The following RSU1 variants were observed in gnomAD, a reference collection of about 807,000 sequenced individuals.
RSU1 encodes the protein Ras suppressor protein 1.
Under a neutral mutation model 31.1 loss-of-function variants are expected in RSU1, and 26 were observed. That is an observed-to-expected ratio of 0.84 (90% CI 0.61 to 1.16). The LOEUF (loss-of-function observed/expected upper bound fraction) is 1.16. Among genes scored for constraint, RSU1 ranks in the 50% most tolerant of loss-of-function variants. RSU1 has a pLI of 0.00. For missense variants in RSU1, 320 were observed against 339.1 expected (o/e 0.94, Z 0.44); for synonymous variants, 164 against 136.3 (o/e 1.20, Z -1.41).
At chr10:16,608,503 C>T (rs1208001640) in intron 8 of RSU1, among the ~76,000 whole-genome samples, 1 of 152,130 alleles carries the variant, frequency 6.6e-6, no homozygotes, top group East Asian at 1.9e-4. Flanking sequence ...CATCTGGTAC[C>T]TTTTCCCACT....
intron 2 of RSU1, among the ~76,000 whole-genome samples, chr10:16,803,337 C>T (rs750264409): frequency 6.6e-6 from 1 of 152,052 alleles, no homozygotes; most frequent in Admixed American, 6.5e-5. Context: ...AGCTTCAAAG[C>T]TAGTATGGAA....
intron 8 of RSU1, among the ~76,000 whole-genome samples, chr10:16,618,286 A>C (rs1834012951): frequency 6.6e-6 from 1 of 152,242 alleles, no homozygotes. Flanking sequence ...ATACCATCTC[A>C]GACCAGTTAC....
intron 3 of RSU1, among the ~76,000 whole-genome samples, chr10:16,776,285 T>G (rs1837528996): frequency 6.6e-6 from 1 of 152,246 alleles, no homozygotes; most frequent in African/African-American, 2.4e-5. Context: ...TGAAATATGC[T>G]GCTTAATTTG....
intron 2 of RSU1, among the ~76,000 whole-genome samples, chr10:16,798,276 T>C (rs528214734): frequency 6.6e-6 from 1 of 152,182 alleles, no homozygotes; most frequent in African/African-American, 2.4e-5. Flanking sequence ...AAAGAGCTCA[T>C]AGACTAAAAA....
chr10:16,780,907 C>T (rs7100686), intron 3 of RSU1, among the ~76,000 whole-genome samples: 1 of 152,070 alleles, frequency 6.6e-6, no homozygotes, highest in African/African-American at 2.4e-5. Context: ...CGTCACTCTG[C>T]CTTTGCCTTA....
At chr10:16,756,663 A>C (rs975733598) in intron 4 of RSU1, among the ~76,000 whole-genome samples, 2 of 152,216 alleles carry the variant, frequency 1.3e-5, no homozygotes, top group African/African-American at 4.8e-5. Context: ...AACTATTTCT[A>C]GTTTTGGTAA....
At chr10:16,731,379 G>A (rs1397861545) in intron 7 of RSU1, among the ~76,000 whole-genome samples, 1 of 148,530 alleles carries the variant, frequency 6.7e-6, no homozygotes, top group African/African-American at 2.5e-5. Flanking sequence ...GCAGTGAGCC[G>A]AGATAGCACC....
At chr10:16,782,667 G>A (rs2131647028) in intron 2 of RSU1, among the ~76,000 whole-genome samples, 1 of 152,276 alleles carries the variant, frequency 6.6e-6, no homozygotes, top group Admixed American at 6.5e-5. Flanking sequence ...TCAAAGCACT[G>A]ATTTGAAATG....
At chr10:16,666,857 C>T (rs751826522) in intron 8 of RSU1, among the ~76,000 whole-genome samples, 5 of 151,896 alleles carry the variant, frequency 3.3e-5, no homozygotes, top group Non-Finnish European at 7.4e-5. Context: ...GGCATGGTGA[C>T]GCATGCCTGT....
intron 4 of RSU1, among the ~76,000 whole-genome samples, chr10:16,756,581 T>C (rs112056544): frequency 6.6e-6 from 1 of 152,344 alleles, no homozygotes; most frequent in Non-Finnish European, 1.5e-5. Flanking sequence ...AATAACATTT[T>C]CTTTTCTCTA....
chr10:16,817,235 GGGAT>G, intron 1 of RSU1, 76 bp downstream of exon 1: 2 of 583,368 alleles, frequency 3.4e-6, no homozygotes, highest in Non-Finnish European at 5.9e-6. Flanking sequence ...GTGCGGGGAG[GGGAT>G]GGAGTGGGAA....
intron 4 of RSU1, 129 bp downstream of exon 4, chr10:16,764,261 C>T: frequency 8.6e-7 from 1 of 1,160,472 alleles, no homozygotes; most frequent in Admixed American, 2.8e-5. Context: ...TTTTTAAGAC[C>T]CAAAACATAA....
intron 8 of RSU1, among the ~76,000 whole-genome samples, chr10:16,610,774 C>T (rs182373581): frequency 2.6e-5 from 4 of 152,264 alleles, no homozygotes; most frequent in East Asian, 3.9e-4. Context: ...ACCATCTCCC[C>T]GCAACCCTGC....
intron 8 of RSU1, among the ~76,000 whole-genome samples, chr10:16,603,777 C>A (rs1833751220): frequency 6.6e-6 from 1 of 152,138 alleles, no homozygotes; most frequent in Admixed American, 6.5e-5. Context: ...AAGAAAGAAT[C>A]ATTTTAGTAC....
At chr10:16,721,546 C>T (rs11816286) in intron 7 of RSU1, 11,140 of 152,272 alleles carry the variant, frequency 0.073, 800 homozygotes, top group African/African-American at 0.19. Context: ...GGCTGGGAGG[C>T]CTAAGCCACT....
At chr10:16,729,566 G>A (rs1427405449) in intron 7 of RSU1, among the ~76,000 whole-genome samples, 8 of 152,156 alleles carry the variant, frequency 5.3e-5, no homozygotes, top group Non-Finnish European at 7.3e-5. Flanking sequence ...GCCCGCCCCC[G>A]TCTTCGCTAC....
intron 7 of RSU1, among the ~76,000 whole-genome samples, chr10:16,714,811 T>C (rs901450318): frequency 4.6e-5 from 7 of 152,194 alleles, no homozygotes; most frequent in Non-Finnish European, 7.4e-5. Flanking sequence ...AGGTTCAAGA[T>C]GGGACAGAGT....
chr10:16,598,884 C>G (rs982263160), intron 8 of RSU1, among the ~76,000 whole-genome samples: 1 of 152,180 alleles, frequency 6.6e-6, no homozygotes, highest in African/African-American at 2.4e-5. Context: ...CGTGAGGATT[C>G]TGCTTAATTT....
intron 5 of RSU1, among the ~76,000 whole-genome samples, chr10:16,753,942 C>G (rs912253866): frequency 1.3e-5 from 2 of 151,992 alleles, no homozygotes; most frequent in Non-Finnish European, 2.9e-5. Context: ...ATTTTTATTT[C>G]TAGAGACAGG....
Sources: gnomAD v4.1 joint callset for allele counts (sites outside exome capture counted in the v4.1 genomes callset) on GRCh38, gnomAD v4.1.1 for gene constraint, MANE v1.5 for transcripts, NCBI Gene and HGNC (gene_info 2026-07-23, HGNC 2026-07-21) for gene names.